The following IQCJ variants were observed in gnomAD, a reference collection of about 807,000 sequenced individuals.
The protein encoded by IQCJ is IQ domain-containing protein J.
A neutral mutation model predicts 11.0 loss-of-function variants in IQCJ; 9 were observed. The observed-to-expected ratio is 0.82, with a 90% CI of 0.49 to 1.43. The LOEUF is 1.43. IQCJ is among the 40% of genes most tolerant of loss of function. The pLI is 0.00. For missense variants in IQCJ, 146 were observed against 133.2 expected (o/e 1.10, Z -0.47); for synonymous variants, 55 against 51.3 (o/e 1.07, Z -0.31).
chr3:159,178,120 G>T (rs1722885562), intron 1 of IQCJ, among the ~76,000 whole-genome samples: 1 of 152,092 alleles, frequency 6.6e-6, no homozygotes, highest in African/African-American at 2.4e-5. Context: ...TGTTCAGAAG[G>T]ATACCACATA....
At chr3:159,092,984 A>T (rs141300886) in intron 1 of IQCJ, among the ~76,000 whole-genome samples, 2 of 151,728 alleles carry the variant, frequency 1.3e-5, no homozygotes, top group South Asian at 4.2e-4. Context: ...TTGGTGACTT[A>T]TTTGGACTTT....
intron 1 of IQCJ, among the ~76,000 whole-genome samples, chr3:159,230,055 C>T (rs1246164049): frequency 2.0e-5 from 3 of 150,834 alleles, no homozygotes; most frequent in Admixed American, 2.0e-4. Context: ...TACCTCCACC[C>T]TCTTATAATC....
At chr3:159,089,873 C>T (rs1386157449) in intron 1 of IQCJ, among the ~76,000 whole-genome samples, 1 of 151,816 alleles carries the variant, frequency 6.6e-6, no homozygotes, top group Non-Finnish European at 1.5e-5. Flanking sequence ...GAGTGTCCTC[C>T]TGTAGCTCAG....
At chr3:159,083,483 G>A (rs1716474255) in intron 1 of IQCJ, among the ~76,000 whole-genome samples, 1 of 152,136 alleles carries the variant, frequency 6.6e-6, no homozygotes, top group Admixed American at 6.6e-5. Flanking sequence ...TGAGGATGCA[G>A]AAAAACTGGA....
chr3:159,145,027 T>G (rs529383675), intron 1 of IQCJ, among the ~76,000 whole-genome samples: 20 of 152,320 alleles, frequency 1.3e-4, no homozygotes. Flanking sequence ...ATCACTGAGC[T>G]TGAAGCAATG....
intron 1 of IQCJ, among the ~76,000 whole-genome samples, chr3:159,151,734 C>T (rs1721235749): frequency 6.6e-6 from 1 of 152,236 alleles, no homozygotes; most frequent in Admixed American, 6.5e-5. Context: ...CTCCCAGGTT[C>T]ACACCTTTCT....
intron 1 of IQCJ, among the ~76,000 whole-genome samples, chr3:159,172,243 T>C (rs1722518272): frequency 6.6e-6 from 1 of 152,162 alleles, no homozygotes; most frequent in African/African-American, 2.4e-5. Context: ...ATCCCCATAA[T>C]GGAATAGTCA....
intron 1 of IQCJ, among the ~76,000 whole-genome samples, chr3:159,180,510 T>C (rs1723035436): frequency 1.3e-5 from 2 of 152,124 alleles, no homozygotes; most frequent in South Asian, 2.1e-4. Flanking sequence ...ACATTGTATA[T>C]AGACTGCTCT....
chr3:159,265,274 T>C (rs759981183), downstream of IQCJ: 63 of 1,613,918 alleles, frequency 3.9e-5, 1 homozygote, highest in African/African-American at 6.4e-4. Context: ...TGCAGTCACC[T>C]GGGGACAAGT....
chr3:159,114,539 G>A (rs1340186107), intron 1 of IQCJ, among the ~76,000 whole-genome samples: 1 of 102,632 alleles, frequency 9.7e-6, no homozygotes, highest in Non-Finnish European at 2.1e-5. Flanking sequence ...TCGAACTCCT[G>A]ACCTCCAGTG....
At chr3:159,201,109 G>C (rs112822634) in intron 1 of IQCJ, among the ~76,000 whole-genome samples, 8 of 152,302 alleles carry the variant, frequency 5.3e-5, no homozygotes, top group African/African-American at 1.9e-4. Flanking sequence ...AACTGACCTG[G>C]CTGGGGCATG....
At chr3:159,162,607 C>A (rs1315576529) in intron 1 of IQCJ, among the ~76,000 whole-genome samples, 2 of 152,078 alleles carry the variant, frequency 1.3e-5, no homozygotes, top group Non-Finnish European at 2.9e-5. Context: ...ACACAAAAAA[C>A]CCTTCAAAAA....
intron 1 of IQCJ, among the ~76,000 whole-genome samples, chr3:159,226,291 A>G (rs973505420): frequency 6.6e-6 from 1 of 152,164 alleles, no homozygotes; most frequent in African/African-American, 2.4e-5. Flanking sequence ...AGCCCTCATC[A>G]TGAAGCTATG....
chr3:159,096,188 C>T (rs1489688027), intron 1 of IQCJ, among the ~76,000 whole-genome samples: 1 of 115,392 alleles, frequency 8.7e-6, no homozygotes, highest in Non-Finnish European at 1.7e-5. Flanking sequence ...TGTTCATGTC[C>T]TTCGCCCACT....
At chr3:159,219,078 G>A (rs1048059317) in intron 1 of IQCJ, among the ~76,000 whole-genome samples, 19 of 152,100 alleles carry the variant, frequency 1.2e-4, no homozygotes, top group East Asian at 1.2e-3. Context: ...ATAATCTCAC[G>A]ATCTCAAAAT....
intron 1 of IQCJ, among the ~76,000 whole-genome samples, chr3:159,190,413 T>G (rs906604341): frequency 6.6e-6 from 1 of 152,248 alleles, no homozygotes; most frequent in Non-Finnish European, 1.5e-5. Flanking sequence ...TTCCGAGATT[T>G]ACAGTCTCAT....
intron 1 of IQCJ, among the ~76,000 whole-genome samples, chr3:159,183,831 A>C (rs941087878): frequency 3.8e-4 from 58 of 152,210 alleles, no homozygotes; most frequent in Non-Finnish European, 7.4e-4. Flanking sequence ...CACTGTCTCC[A>C]TATCCACTAT....
intron 1 of IQCJ, among the ~76,000 whole-genome samples, chr3:159,112,629 G>A (rs918133353): frequency 1.3e-5 from 2 of 152,052 alleles, no homozygotes; most frequent in African/African-American, 4.8e-5. Flanking sequence ...GTGTGAAATC[G>A]CCCCTGCAGT....
intron 3 of IQCJ, among the ~76,000 whole-genome samples, chr3:159,256,785 C>G (rs1351599003): frequency 1.3e-5 from 2 of 152,150 alleles, no homozygotes; most frequent in Non-Finnish European, 2.9e-5. Context: ...CAGGAGGGAT[C>G]CTTAGATGAT....
Sources: allele counts gnomAD v4.1 joint callset (sites outside exome capture counted in the v4.1 genomes callset), GRCh38; gene constraint gnomAD v4.1.1; transcripts MANE v1.5; gene names NCBI Gene and HGNC (gene_info 2026-07-23, HGNC 2026-07-21).